The following SETMAR variants were observed in gnomAD, a reference collection of about 807,000 sequenced individuals.
SETMAR encodes the protein SET and mariner transposase domain methyltransferase, also known as histone-lysine N-methyltransferase SETMAR.
In SETMAR, 44 loss-of-function variants were observed where a neutral mutation model predicts 58.4. The ratio of observed to expected loss-of-function variants is 0.75; its 90% CI spans 0.59 to 0.97. SETMAR has a LOEUF of 0.97. Ranked by LOEUF, SETMAR falls within the 50% of genes least tolerant of loss-of-function variation. SETMAR has a pLI of 0.00. For missense variants in SETMAR, 903 were observed against 840.2 expected (o/e 1.07, Z -0.92); for synonymous variants, 332 against 307.4 (o/e 1.08, Z -0.84).
chr3:4,303,691 T>C lies in SETMAR; in HGVS notation c.156+165T>C, dbSNP rs199643131. ...GTGTGCATGCCCCGGCCTGGGCCTT[T>C]TTCTGTTGACCCACGGCATCACCTT... On this transcript the variant is annotated intron_variant, in intron 1 of 2. Transcript: ENST00000358065. 4,592 of 1,500,148 alleles carry C rather than the reference T, an allele frequency of 3.1e-3. 21 individuals are homozygous for C. The highest frequency in any genetic ancestry group is 3.2e-3 in the Non-Finnish European group (3,587 of 1,118,818). 92.9% of individuals were successfully genotyped at this position (1,500,148 alleles called of 1,614,324 possible). A position where few individuals can be genotyped will look rare whatever the true frequency, so the allele number is the denominator to read the frequency against.
At chr3:4,307,776 C>A (rs1328356422) in intron 1 of SETMAR, among the ~76,000 whole-genome samples, 1 of 152,202 alleles carries the variant, frequency 6.6e-6, no homozygotes, top group Non-Finnish European at 1.5e-5. Context: ...GTGGCTCACT[C>A]CCATAATCCC....
At chr3:4,315,351 G>A (rs1158300355) in intron 2 of SETMAR, among the ~76,000 whole-genome samples, 1 of 152,204 alleles carries the variant, frequency 6.6e-6, no homozygotes, top group Non-Finnish European at 1.5e-5. Flanking sequence ...ATTTGATTCT[G>A]CAGATACCCT....
chr3:4,312,578 G>T (rs35551797), intron 1 of SETMAR, among the ~76,000 whole-genome samples: 21,716 of 151,788 alleles, frequency 0.14, 1,601 homozygotes, highest in Middle Eastern at 0.19. Context: ...GGACATGGTG[G>T]TTCCCACTTG....
Position 4,303,452 on chromosome 3 carries a change from C to A in SETMAR, c.82C>A (p.Leu28Met). Residue 28 changes from leucine to methionine, a missense_variant, in exon 1 of 3, where the codon CTG (leucine) becomes ATG (methionine). By Grantham distance (15) the Leu-to-Met change is conservative. Coordinates refer to ENST00000358065, the MANE Select transcript of SETMAR (RefSeq NM_006515.4). ...KEKPEAPTEQ[L>M]DVACGQENLP... is the part of the protein sequence containing the mutation. ...GAAGCCTGAGGCCCCGACTGAGCAGCTGGATGTCGCGTGCGGCCAGGAAAA... is the reference window on the plus strand; with the variant it reads ...GAAGCCTGAGGCCCCGACTGAGCAGATGGATGTCGCGTGCGGCCAGGAAAA... 1 of 1,540,672 alleles carries A rather than the reference C, an allele frequency of 6.5e-7. No homozygotes were observed. The highest frequency in any genetic ancestry group is 8.7e-7 in the Non-Finnish European group (1 of 1,149,606).
chr3:4,306,252 T>G (rs995170521), intron 1 of SETMAR, among the ~76,000 whole-genome samples: 4 of 152,220 alleles, frequency 2.6e-5, no homozygotes, highest in Non-Finnish European at 4.4e-5. Flanking sequence ...CCGACGTATT[T>G]TTTTAATTAA....
chr3:4,316,474 C>T lies in SETMAR; in HGVS notation c.1283C>T (p.Thr428Ile). Residue 428 changes from threonine (T) to isoleucine (I), a missense_variant, in exon 3 of 3, where the codon ACT becomes ATT. Coordinates refer to ENST00000358065, the MANE Select transcript of SETMAR (RefSeq NM_006515.4). ...ATCATCGAAGCTGATCCCCTTACAACTACACGAGAAGTTGCTGAAGAACTC... is the reference window on the plus strand; with the variant it reads ...ATCATCGAAGCTGATCCCCTTACAATTACACGAGAAGTTGCTGAAGAACTC... Reference protein sequence around the residue: ...RAIIEADPLTTTREVAEELNV... With the variant: ...RAIIEADPLTITREVAEELNV... The T allele has an allele frequency of 3.1e-6, 5 of 1,604,394 alleles. No homozygotes were observed. Among genetic ancestry groups the T allele is most frequent in the Non-Finnish European group, 4.3e-6 (5 of 1,175,464 alleles).
rs1030724658 is a variant in SETMAR at position 4,317,201 on chromosome 3, T to C, written c.2010T>C (p.Ser670=). The C allele has an allele frequency of 6.5e-6, 10 of 1,548,438 alleles. No homozygotes were observed. The African/African-American group carries it at 1.4e-4, about 21-fold the overall frequency. ...CTACAGGAATAAACCAACTTATTTC[T>C]CGTTGGCAAAAATGTGTTGATTGTA... is the stretch of plus-strand genomic sequence containing the variant. The part of the protein sequence containing the change: ...FYATGINQLI[S]RWQKCVDCNG... Residue 670 remains serine (S), a synonymous_variant, in exon 3 of 3, where the codon TCT becomes TCC. Coordinates refer to ENST00000358065, the MANE Select transcript of SETMAR (RefSeq NM_006515.4).
rs1698674055 is a variant in SETMAR, at chr3:4,316,766, C to T, written c.1575C>T (p.Ile525=). 1.9e-6 allele frequency: 3 copies of T among 1,550,666 alleles called. No individual in the cohort carries two copies. The African/African-American group carries it at 4.1e-5, about 21-fold the overall frequency. The change falls in exon 3 of 3, where the codon ATC becomes ATT. Residue 525 remains isoleucine (I), a synonymous_variant. Coordinates refer to ENST00000358065, the MANE Select transcript of SETMAR (RefSeq NM_006515.4). ...EEAPKHFPKP[I]LHPKKVMVTI... ...CTCCAAAGCACTTCCCAAAGCCAAT[C>T]TTGCACCCAAAAAAGGTCATGGTCA...
intron 1 of SETMAR, among the ~76,000 whole-genome samples, chr3:4,312,277 A>G (rs1044561289): frequency 6.6e-6 from 1 of 152,200 alleles, no homozygotes; most frequent in African/African-American, 2.4e-5. Context: ...AAAAGAGATC[A>G]AAAGCTAAGG....
chr3:4,305,971 C>T (rs542509274), intron 1 of SETMAR, among the ~76,000 whole-genome samples: 9 of 152,316 alleles, frequency 5.9e-5, no homozygotes, highest in African/African-American at 2.2e-4. Flanking sequence ...GTCAAAAACA[C>T]TGATTTAAAA....
intron 1 of SETMAR, among the ~76,000 whole-genome samples, chr3:4,309,332 T>G (rs1457512652): frequency 6.6e-6 from 1 of 152,168 alleles, no homozygotes; most frequent in East Asian, 1.9e-4. Context: ...TTTTTCAGGT[T>G]AGCTTTGGAA....
At position 4,316,422 on chromosome 3, in the gene SETMAR, G is replaced by C. The variant is rs766112717; in HGVS notation, c.1231G>C (p.Glu411Gln). Reference protein sequence around the residue: ...EDEERSGRPSEVDNDQLRAII... With the variant: ...EDEERSGRPSQVDNDQLRAII... ...TGAGGAGCGTAGTGGCCGGCCATCA[G>C]AAGTTGACAACGACCAGTTGAGAGC... The change falls in exon 3 of 3, where the codon GAA becomes CAA. Residue 411 changes from glutamate (E) to glutamine (Q), a missense_variant. By Grantham distance (29) the Glu-to-Gln change is conservative (BLOSUM62 2). Coordinates refer to ENST00000358065, the MANE Select transcript of SETMAR (RefSeq NM_006515.4). 1.3e-6 allele frequency: 2 copies of C among 1,591,036 alleles called. No homozygotes were observed. Among genetic ancestry groups the C allele is most frequent in the Middle Eastern group, 1.8e-4 (1 of 5,514 alleles).
At chr3:4,306,023 T>C (rs1366541834) in intron 1 of SETMAR, among the ~76,000 whole-genome samples, 2 of 152,150 alleles carry the variant, frequency 1.3e-5, no homozygotes, top group Admixed American at 1.3e-4. Context: ...AAATATTTAT[T>C]GAGAGCTAAA....
At chr3:4,310,374 G>C (rs971269717) in intron 1 of SETMAR, among the ~76,000 whole-genome samples, 2 of 152,154 alleles carry the variant, frequency 1.3e-5, no homozygotes, top group African/African-American at 4.8e-5. Context: ...CTTGAGTGTA[G>C]TCATTTTTTA....
Position 4,313,725 on chromosome 3 carries a change from T to G in SETMAR, c.984T>G (p.Pro328=). The part of the protein sequence containing the change: ...EKEPSMCGSA[P]SVFPSCKRLT... The stretch of plus-strand genomic sequence containing the variant: ...AACCCAGCATGTGTGGCTCAGCCCC[T>G]TCTGTGTTCCCCTCCTGCAAGCGAT... The change falls in exon 2 of 3, where the codon CCT becomes CCG. Residue 328 remains proline, a synonymous_variant. Coordinates refer to ENST00000358065, the MANE Select transcript of SETMAR (RefSeq NM_006515.4). 6.2e-7 allele frequency: 1 copy of G among 1,614,056 alleles called. No homozygotes were observed. The highest frequency in any genetic ancestry group is 8.5e-7 in the Non-Finnish European group (1 of 1,179,954).
chr3:4,308,011 T>C (rs1476517200), intron 1 of SETMAR, among the ~76,000 whole-genome samples: 1 of 152,098 alleles, frequency 6.6e-6, no homozygotes, highest in Non-Finnish European at 1.5e-5. Flanking sequence ...CACTCCAGAC[T>C]GGGCAGCAAC....
At position 4,313,065 on chromosome 3, in the gene SETMAR, A is replaced by G. The variant is rs2125098044; in HGVS notation, c.324A>G (p.Gly108=). The change falls in exon 2 of 3, where the codon GGA becomes GGG. Residue 108 remains glycine (G), a synonymous_variant. Transcript: ENST00000358065. The part of the protein sequence containing the change: ...DNSCLRDIGS[G]GKYAEPVFEC... ...CATGCCTTAGAGATATAGGATCTGGAGGAAAGTATGCAGAGCCTGTTTTTG... is the reference window on the plus strand; with the variant it reads ...CATGCCTTAGAGATATAGGATCTGGGGGAAAGTATGCAGAGCCTGTTTTTG... The G allele has an allele frequency of 6.2e-7, 1 of 1,613,932 alleles. No homozygotes were observed.
intron 1 of SETMAR, among the ~76,000 whole-genome samples, chr3:4,309,202 T>C (rs1305324950): frequency 6.6e-6 from 1 of 152,136 alleles, no homozygotes; most frequent in Non-Finnish European, 1.5e-5. Flanking sequence ...TCAGAGAGAA[T>C]AGATTGTAAA....
In SETMAR at chr3:4,303,442, G is replaced by A. The variant is rs1698032323; in HGVS notation, c.72G>A (p.Pro24=). ...MAEFKEKPEA[P]TEQLDVACGQ... ...AGTTTAAGGAGAAGCCTGAGGCCCC[G>A]ACTGAGCAGCTGGATGTCGCGTGCG... Residue 24 remains proline, a synonymous_variant, in exon 1 of 3, where the codon CCG becomes CCA. Coordinates refer to ENST00000358065, the MANE Select transcript of SETMAR (RefSeq NM_006515.4). 7 of 1,550,962 alleles carry A rather than the reference G, an allele frequency of 4.5e-6. No homozygotes were observed. The South Asian group carries it at 4.9e-5, about 11-fold the overall frequency.
Sources: gnomAD v4.1 joint callset for allele counts (sites outside exome capture counted in the v4.1 genomes callset) on GRCh38, gnomAD v4.1.1 for gene constraint, MANE v1.5 for transcripts, NCBI Gene and HGNC (gene_info 2026-07-23, HGNC 2026-07-21) for gene names.